CTNNA2: variants seen among roughly 807,000 people sequenced by gnomAD.
CTNNA2 encodes the protein catenin alpha-2.
In CTNNA2, 42 loss-of-function variants were observed where a neutral mutation model predicts 101.0. The observed-to-expected ratio is 0.42, with a 90% CI of 0.32 to 0.54. The LOEUF (loss-of-function observed/expected upper bound fraction) is 0.54, where lower values mean the gene tolerates loss of function less well. Among genes scored for constraint, CTNNA2 ranks in the 20% least tolerant of loss-of-function variants. The pLI is 0.14. For synonymous variants in CTNNA2, 450 were observed against 456.4 expected (o/e 0.99, Z 0.18); for missense variants, 871 against 1,223.1 (o/e 0.71, Z 4.29).
At position 79,258,223 on chromosome 2, in the gene CTNNA2, T is replaced by C. The variant is rs569834361; in HGVS notation, c.-405-54486T>C. Among the ~76,000 whole-genome samples, 6 of 152,286 alleles carry C rather than the reference T, an allele frequency of 3.9e-5. No individual in the cohort carries two copies. In the South Asian group the frequency reaches 1.2e-3, roughly 32 times the overall value. On this transcript the variant is annotated intron_variant, in intron 2 of 21. Transcript: ENST00000466387. ...CCCATACAAATGCCAAGCAGAATTT[T>C]TTTTCATGGGGAGTAGAGTGAAGCA...
intron 1 of CTNNA2, among the ~76,000 whole-genome samples, chr2:79,528,792 C>G (rs1477931305): frequency 6.6e-6 from 1 of 152,084 alleles, no homozygotes; most frequent in Non-Finnish European, 1.5e-5. Flanking sequence ...ATGTTTATAT[C>G]TAGCCACAAT....
chr2:79,570,358 A>AT (rs1200323083), intron 1 of CTNNA2, among the ~76,000 whole-genome samples: 1 of 151,994 alleles, frequency 6.6e-6, no homozygotes, highest in Non-Finnish European at 1.5e-5. Context: ...CCTAGAAATG[A>AT]TTTTTTTCTT....
In CTNNA2 at chr2:80,303,292, C is replaced by T. The variant is rs1676547750; in HGVS notation, c.1057-89919C>T. The stretch of plus-strand genomic sequence containing the variant: ...GGCAGTCCTGGAAGATGCGCACGGG[C>T]ACAAACTGGATGGCGTTGGCCCGCA... On this transcript the variant is annotated intron_variant, in intron 7 of 18. Transcript: ENST00000402739. This position sits in a 1 kb window ranked among gnomAD's most constrained non-coding sequence, Gnocchi z 7.7. 6.2e-7 allele frequency: 1 copy of T among 1,613,508 alleles called. No individual in the cohort carries two copies.
At chr2:80,591,400 G>A (rs115019744) in intron 15 of CTNNA2, among the ~76,000 whole-genome samples, 376 of 146,914 alleles carry the variant, frequency 2.6e-3, no homozygotes, top group African/African-American at 8.7e-3. Flanking sequence ...TAGACTGTGC[G>A]TTTGAAATGC....
chr2:79,878,263 G>C (rs1683174404), intron 6 of CTNNA2, among the ~76,000 whole-genome samples: 1 of 152,186 alleles, frequency 6.6e-6, no homozygotes, highest in Non-Finnish European at 1.5e-5. Context: ...TGTAAATAGT[G>C]CTGCAGTAAA....
intron 7 of CTNNA2, among the ~76,000 whole-genome samples, chr2:80,111,993 A>G (rs1426068439): frequency 2.0e-5 from 3 of 152,214 alleles, no homozygotes; most frequent in Admixed American, 1.3e-4. Context: ...TACCTAGTTG[A>G]AAGAGATGCA....
At chr2:80,071,338 C>T (rs1039400320) in intron 7 of CTNNA2, among the ~76,000 whole-genome samples, 10 of 152,140 alleles carry the variant, frequency 6.6e-5, no homozygotes, top group African/African-American at 1.7e-4. Context: ...TATTCCGTGC[C>T]GTCAATTGTA....
At chr2:80,558,486 GTA>G (rs1167062976) in intron 12 of CTNNA2, among the ~76,000 whole-genome samples, 87 of 61,732 alleles carry the variant, frequency 1.4e-3, no homozygotes, top group Middle Eastern at 0.013. Flanking sequence ...GTGTGTGTGT[GTA>G]TATATATATG....
At chr2:80,261,806 C>T (rs1195297692) in intron 7 of CTNNA2, among the ~76,000 whole-genome samples, 1 of 152,058 alleles carries the variant, frequency 6.6e-6, no homozygotes, top group Non-Finnish European at 1.5e-5. Flanking sequence ...AGTCTAAATC[C>T]AACATGAAAT....
At chr2:80,575,226 A>G (rs1488744575) in intron 13 of CTNNA2, 1 of 152,200 alleles carries the variant, frequency 6.6e-6, no homozygotes, top group East Asian at 1.9e-4. Context: ...TAATCCCAAA[A>G]GCATGCTGTC....
intron 4 of CTNNA2, among the ~76,000 whole-genome samples, chr2:79,392,690 T>G (rs904345973): frequency 6.6e-6 from 1 of 152,196 alleles, no homozygotes; most frequent in African/African-American, 2.4e-5. Flanking sequence ...TTTTTGACTC[T>G]ACTCAACTAT....
At chr2:80,381,108 C>T (rs1676472149) in intron 7 of CTNNA2, among the ~76,000 whole-genome samples, 1 of 151,914 alleles carries the variant, frequency 6.6e-6, no homozygotes, top group African/African-American at 2.4e-5. Flanking sequence ...TTCACCTAAG[C>T]CTGAGGAGTG....
intron 2 of CTNNA2, among the ~76,000 whole-genome samples, chr2:79,211,312 T>A (rs1388626416): frequency 6.6e-6 from 1 of 152,190 alleles, no homozygotes; most frequent in Non-Finnish European, 1.5e-5. Context: ...AAGGGGTTTT[T>A]AGAGTATTAT....
At chr2:80,219,747 C>T (rs1367123837) in intron 7 of CTNNA2, among the ~76,000 whole-genome samples, 1 of 151,926 alleles carries the variant, frequency 6.6e-6, no homozygotes, top group Non-Finnish European at 1.5e-5. Flanking sequence ...ATAACAAAAC[C>T]TCAATTTTGT....
chr2:79,208,165 C>T (rs1434993591), intron 2 of CTNNA2, among the ~76,000 whole-genome samples: 3 of 152,116 alleles, frequency 2.0e-5, no homozygotes, highest in African/African-American at 7.2e-5. Flanking sequence ...CTTTAAAATG[C>T]CCATCATGAA....
chr2:79,315,372 G>A (rs1430071819), intron 3 of CTNNA2, among the ~76,000 whole-genome samples: 1 of 152,062 alleles, frequency 6.6e-6, no homozygotes, highest in Non-Finnish European at 1.5e-5. Flanking sequence ...ACAACCAAAT[G>A]GAATCCTGTA....
rs142442592 is a variant in CTNNA2 at position 80,173,323 on chromosome 2, T to G, written c.1057-219888T>G. On this transcript the variant is annotated intron_variant, in intron 7 of 18. Coordinates refer to ENST00000402739, the MANE Select transcript of CTNNA2 (RefSeq NM_001282597.3). ...GACAAAGTGCTTTCATGTCTAAAAT[T>G]GGAATAGTTATTTCAAAAGAATATT... is the stretch of plus-strand genomic sequence containing the variant. Among the ~76,000 whole-genome samples the G allele has an allele frequency of 6.7e-3, 1,016 of 152,292 alleles. 18 individuals are homozygous for G. Among genetic ancestry groups the G allele is most frequent in the African/African-American group, 0.023 (947 of 41,566 alleles).
intron 2 of CTNNA2, among the ~76,000 whole-genome samples, chr2:79,689,190 A>C (rs1239619353): frequency 6.6e-6 from 1 of 151,852 alleles, no homozygotes; most frequent in East Asian, 1.9e-4. Context: ...AAAAAGCAGA[A>C]GTACAAGGCA....
chr2:79,561,597 TG>T (rs1197872675), intron 1 of CTNNA2, among the ~76,000 whole-genome samples: 1 of 151,950 alleles, frequency 6.6e-6, no homozygotes, highest in Non-Finnish European at 1.5e-5. Context: ...TAATTCTTGT[TG>T]TTTTTTTATC....
Sources: gnomAD v4.1 joint callset for allele counts (sites outside exome capture counted in the v4.1 genomes callset) on GRCh38, gnomAD v4.1.1 for gene constraint, Gnocchi (gnomAD v3.1) non-coding constraint, MANE v1.5 for transcripts, NCBI Gene and HGNC (gene_info 2026-07-23, HGNC 2026-07-21) for gene names.